The following PPFIA1 variants were observed in gnomAD, a reference collection of about 807,000 sequenced individuals.
The protein encoded by PPFIA1 is liprin-alpha-1.
A neutral mutation model predicts 149.9 loss-of-function variants in PPFIA1; 25 were observed. That is an observed-to-expected ratio of 0.17 (90% CI 0.12 to 0.23). The LOEUF is 0.23. Among genes scored for constraint, PPFIA1 ranks in the 10% least tolerant of loss-of-function variants. The pLI, the probability that PPFIA1 is intolerant of heterozygous loss-of-function variation, is 1.00. For synonymous variants in PPFIA1, 549 were observed against 552.8 expected, an observed-to-expected ratio of 0.99 and a Z score of 0.10; for missense variants, 1,362 against 1,506.5, an observed-to-expected ratio of 0.90 and a Z score of 1.59.
chr11:70,337,672 A>G (rs1010830969), intron 12 of PPFIA1, among the ~76,000 whole-genome samples: 1 of 152,248 alleles, frequency 6.6e-6, no homozygotes, highest in African/African-American at 2.4e-5. Flanking sequence ...AAGCTAAAAT[A>G]TTAGCATCAA....
At chr11:70,326,476 A>G in intron 6 of PPFIA1, 113 bp downstream of exon 6, 1 of 1,278,740 alleles carries the variant, frequency 7.8e-7, no homozygotes. Flanking sequence ...AGTGGTCATG[A>G]AAGTTGTGTA....
intron 12 of PPFIA1, 121 bp from the exon 13 acceptor site, chr11:70,338,253 G>C (rs551570430): frequency 4.0e-6 from 3 of 750,092 alleles, no homozygotes; most frequent in African/African-American, 1.7e-5. Context: ...TAAAATGTTT[G>C]GTATTTGTAA....
chr11:70,348,459 C>A (rs748315339), intron 16 of PPFIA1, 39 bp downstream of exon 16: 3 of 1,483,578 alleles, frequency 2.0e-6, no homozygotes, highest in Admixed American at 3.4e-5. Flanking sequence ...CTGCCCTCAG[C>A]ATACCTGTAT....
In PPFIA1 at chr11:70,355,893, G is replaced by A. The variant is rs182642140; in HGVS notation, c.2488+82G>A. 3.0e-3 allele frequency: 4,456 copies of A among 1,506,094 alleles called. 7 individuals are homozygous for A. Among genetic ancestry groups the A allele is most frequent in the Non-Finnish European group, 3.4e-3 (3,769 of 1,116,044 alleles). The allele number at this position is 1,506,094 out of a possible 1,614,324, so 93.3% of individuals were successfully genotyped here. On this transcript the variant is annotated intron_variant, in intron 18 of 27. Transcript: ENST00000253925. ...CCTTCGGTGCCATCAGTTCCCACGC[G>A]GTGCTCCAGGAGCCGTGTGCTCTCC... is the stretch of plus-strand genomic sequence containing the variant.
intron 21 of PPFIA1, chr11:70,367,725 C>A: frequency 2.5e-6 from 1 of 395,624 alleles, no homozygotes; most frequent in East Asian, 7.2e-5. Flanking sequence ...GAAACAGAAA[C>A]AAGTAGGGTT....
chr11:70,361,720 A>G (rs1208653296), intron 19 of PPFIA1, among the ~76,000 whole-genome samples: 20 of 151,124 alleles, frequency 1.3e-4, no homozygotes, highest in South Asian at 6.3e-4. Context: ...GGCTCAGGCA[A>G]TCCTTCCACC....
intron 15 of PPFIA1, among the ~76,000 whole-genome samples, chr11:70,347,652 G>A (rs1386336448): frequency 6.6e-6 from 1 of 152,182 alleles, no homozygotes; most frequent in Non-Finnish European, 1.5e-5. Flanking sequence ...GCTGCAGTGA[G>A]CTGTGATCAT....
chr11:70,286,953 CT>C (rs1266334028), intron 2 of PPFIA1, among the ~76,000 whole-genome samples: 3 of 147,288 alleles, frequency 2.0e-5, no homozygotes, highest in African/African-American at 5.0e-5. Flanking sequence ...TACACATATA[CT>C]ATATATATAC....
intron 2 of PPFIA1, among the ~76,000 whole-genome samples, chr11:70,285,873 A>G (rs956298622): frequency 6.6e-6 from 1 of 152,156 alleles, no homozygotes; most frequent in Non-Finnish European, 1.5e-5. Context: ...TAGGTGCTGA[A>G]TATTCCATAG....
intron 16 of PPFIA1, among the ~76,000 whole-genome samples, chr11:70,352,974 C>T (rs2056160172): frequency 6.6e-6 from 1 of 152,084 alleles, no homozygotes; most frequent in African/African-American, 2.4e-5. Context: ...ATTGTTTTAA[C>T]CTGAATTTTG....
intron 18 of PPFIA1, 144 bp downstream of exon 18, chr11:70,355,955 G>A: frequency 8.6e-7 from 1 of 1,169,032 alleles, no homozygotes. Flanking sequence ...GAGCTAGAGA[G>A]CAGCAGTTTA....
intron 2 of PPFIA1, among the ~76,000 whole-genome samples, chr11:70,311,076 G>A (rs117232799): frequency 0.093 from 14,155 of 152,220 alleles, 900 homozygotes; most frequent in Admixed American, 0.17. Flanking sequence ...TCGGGAGGCC[G>A]AGGTGGGCGG....
chr11:70,328,118 G>A (rs1352630811), intron 7 of PPFIA1, among the ~76,000 whole-genome samples: 1 of 152,172 alleles, frequency 6.6e-6, no homozygotes, highest in African/African-American at 2.4e-5. Flanking sequence ...GGGTACACGT[G>A]TAGGTCTGTT....
chr11:70,355,193 G>A (rs930870678), intron 17 of PPFIA1, among the ~76,000 whole-genome samples: 7 of 152,126 alleles, frequency 4.6e-5, no homozygotes, highest in Non-Finnish European at 5.9e-5. Flanking sequence ...GTGAGCCACC[G>A]CGCCCGGCCC....
chr11:70,348,470 G>A (rs771089189), intron 16 of PPFIA1, 50 bp downstream of exon 16: 1 of 1,424,216 alleles, frequency 7.0e-7, no homozygotes, highest in East Asian at 2.3e-5. Flanking sequence ...ATACCTGTAT[G>A]AAATCTTGGA....
intron 2 of PPFIA1, among the ~76,000 whole-genome samples, chr11:70,320,750 G>A (rs1464723540): frequency 6.6e-6 from 1 of 152,080 alleles, no homozygotes; most frequent in Non-Finnish European, 1.5e-5. Flanking sequence ...GATGGTTTTT[G>A]GAGCTGGAGT....
At chr11:70,286,439 C>CG (rs1240028306) in intron 2 of PPFIA1, among the ~76,000 whole-genome samples, 1 of 152,116 alleles carries the variant, frequency 6.6e-6, no homozygotes, top group Non-Finnish European at 1.5e-5. Flanking sequence ...TTTGTAGAGA[C>CG]GGGGTTTCAC....
chr11:70,333,111 C>G, intron 9 of PPFIA1: 1 of 471,362 alleles, frequency 2.1e-6, no homozygotes, highest in Non-Finnish European at 4.2e-6. Flanking sequence ...AATGGGTGCA[C>G]TGCTCCTTGC....
chr11:70,285,765 C>T (rs929818984), intron 2 of PPFIA1, among the ~76,000 whole-genome samples: 3 of 151,656 alleles, frequency 2.0e-5, no homozygotes, highest in African/African-American at 7.3e-5. Flanking sequence ...TACATAAATG[C>T]ATACTGTTTT....
Sources: gnomAD v4.1 joint callset for allele counts (sites outside exome capture counted in the v4.1 genomes callset) on GRCh38, gnomAD v4.1.1 for gene constraint, MANE v1.5 for transcripts, NCBI Gene and HGNC (gene_info 2026-07-23, HGNC 2026-07-21) for gene names.